Variants in KLHL29 observed in about 807,000 individuals in gnomAD.
KLHL29 encodes the protein kelch-like protein 29.
Under a neutral mutation model 80.4 loss-of-function variants are expected in KLHL29, and 21 were observed. The ratio of observed to expected loss-of-function variants is 0.26; its 90% CI spans 0.19 to 0.38. KLHL29 has a LOEUF of 0.38. Among genes scored for constraint, KLHL29 ranks in the 10% least tolerant of loss-of-function variants. The pLI, the probability that KLHL29 is intolerant of heterozygous loss-of-function variation, is 1.00. For missense variants in KLHL29, 867 were observed against 1,223.9 expected (o/e 0.71, Z 4.35); for synonymous variants, 511 against 526.8 (o/e 0.97, Z 0.41).
At chr2:23,565,111 A>G (rs1373845226) in intron 3 of KLHL29, among the ~76,000 whole-genome samples, 2 of 152,200 alleles carry the variant, frequency 1.3e-5, no homozygotes, top group African/African-American at 2.4e-5. Context: ...AGAACCTGGC[A>G]TGTGGTATTT....
intron 1 of KLHL29, among the ~76,000 whole-genome samples, chr2:23,413,386 A>C (rs1666910968): frequency 6.6e-6 from 1 of 152,194 alleles, no homozygotes; most frequent in Non-Finnish European, 1.5e-5. Flanking sequence ...TGGTCACTGC[A>C]GACCCATGGA....
intron 2 of KLHL29, among the ~76,000 whole-genome samples, chr2:23,552,413 G>A (rs1667153605): frequency 6.6e-6 from 1 of 152,208 alleles, no homozygotes. Flanking sequence ...CAATAAAGCA[G>A]TTAAAGAAAA....
chr2:23,576,580 G>A (rs1667849326), intron 3 of KLHL29, among the ~76,000 whole-genome samples: 1 of 152,150 alleles, frequency 6.6e-6, no homozygotes, highest in South Asian at 2.1e-4. Flanking sequence ...TTGGAATTTG[G>A]GATTATCCAT....
chr2:23,521,011 C>T (rs536494363), intron 2 of KLHL29, among the ~76,000 whole-genome samples: 1 of 152,096 alleles, frequency 6.6e-6, no homozygotes, highest in Admixed American at 6.5e-5. Flanking sequence ...CCCGCTCCCC[C>T]TCAGGGGTGT....
rs1669854528 is a variant in KLHL29 at position 23,644,152 on chromosome 2, T to C, written c.940+1302T>C. On this transcript the variant is annotated intron_variant, in intron 5 of 13. Coordinates refer to ENST00000486442, the MANE Select transcript of KLHL29 (RefSeq NM_052920.2). ...TTTGGAAATCAGCACTAGTTTTAAA[T>C]GACAAAATTGTAGAAAATTACATCT... 2.6e-5 allele frequency: 4 copies of C among 152,360 alleles called. No homozygotes were observed. The South Asian group carries it at 8.3e-4, about 32-fold the overall frequency. The allele number at this position is 152,360 out of a possible 1,614,324, so 9.4% of individuals were successfully genotyped here.
rs150131401 is a variant in KLHL29 at position 23,670,917 on chromosome 2, G to GCGCGCGCACTCTCTCT, written c.941-13481_941-13480insGCGCGCACTCTCTCTC. 1.6e-3 allele frequency among the ~76,000 whole-genome samples: 30 copies of GCGCGCGCACTCTCTCT among 18,568 alleles called. 9 individuals carry two copies. The highest frequency in any genetic ancestry group is 9.4e-3 in the South Asian group (3 of 318). The allele number at this position is 18,568 out of a possible 152,430, so 12.2% of individuals were successfully genotyped here. ...GAGGGGTCTCTACACACATGCACGC[G>GCGCGCGCACTCTCTCT]CTCTCTCTCTCTCTCTCTCTCTCTC... On this transcript the variant is annotated intron_variant, in intron 5 of 13. Coordinates refer to ENST00000486442, the MANE Select transcript of KLHL29 (RefSeq NM_052920.2).
At chr2:23,426,265 A>G (rs533899314) in intron 1 of KLHL29, among the ~76,000 whole-genome samples, 1 of 152,314 alleles carries the variant, frequency 6.6e-6, no homozygotes, top group African/African-American at 2.4e-5. Flanking sequence ...ATTTATTTGT[A>G]TCTGTTCCAG....
chr2:23,616,003 TC>T (rs1249502725), intron 3 of KLHL29, among the ~76,000 whole-genome samples: 1 of 152,114 alleles, frequency 6.6e-6, no homozygotes, highest in African/African-American at 2.4e-5. Flanking sequence ...CCTTGATCCC[TC>T]CTCCTAAGGG....
rs1043451347 is a variant in KLHL29 at position 23,682,645 on chromosome 2, C to T, written c.941-1754C>T. 4.6e-5 allele frequency among the ~76,000 whole-genome samples: 7 copies of T among 152,080 alleles called. No homozygotes were observed. The highest frequency in any genetic ancestry group is 8.8e-5 in the Non-Finnish European group (6 of 68,008). The stretch of plus-strand genomic sequence containing the variant: ...CTGTTGCCCATGGCCCTTTTGTCCA[C>T]CTGCACCTGCCCCCTCGTGCTCCTG... On this transcript the variant is annotated intron_variant, in intron 5 of 13. Transcript: ENST00000486442. This position sits in a 1 kb window ranked among gnomAD's most constrained non-coding sequence, Gnocchi z 4.1.
intron 1 of KLHL29, among the ~76,000 whole-genome samples, chr2:23,466,125 A>G (rs1231473864): frequency 2.0e-5 from 3 of 152,086 alleles, no homozygotes; most frequent in African/African-American, 7.2e-5. Context: ...TCCAAAGACC[A>G]ATGTGAGTGC....
rs142753098 is a variant in KLHL29, at chr2:23,480,213, G to A, written c.-46+4546G>A. Among the ~76,000 whole-genome samples the A allele has an allele frequency of 3.5e-3, 529 of 152,342 alleles. 3 individuals are homozygous for A. Among genetic ancestry groups the A allele is most frequent in the Non-Finnish European group, 6.3e-3 (427 of 68,016 alleles). ...TTTAAGAATTACAGATGGCCCGGCC[G>A]TGGTGGCTCACGCCTGTAATCCCAG... On this transcript the variant is annotated intron_variant, in intron 2 of 13. Coordinates refer to ENST00000486442, the MANE Select transcript of KLHL29 (RefSeq NM_052920.2).
chr2:23,672,635 C>CT (rs1055168384), intron 5 of KLHL29: 1 of 152,668 alleles, frequency 6.6e-6, no homozygotes, highest in African/African-American at 2.4e-5. Context: ...CAGCTCCTCA[C>CT]TGTGGGCACC....
Position 23,681,370 on chromosome 2 carries a change from G to A in KLHL29, c.941-3029G>A, listed in dbSNP as rs979899151. Among the ~76,000 whole-genome samples, 2 of 152,206 alleles carry A rather than the reference G, an allele frequency of 1.3e-5. No homozygotes were observed. Among genetic ancestry groups the A allele is most frequent in the Admixed American group, 6.5e-5 (1 of 15,288 alleles). ...GATGGGGACACCTGAACCTCCAAGC[G>A]CCTTCCAGGTCTAGCTCCAGAATTC... is the stretch of plus-strand genomic sequence containing the variant. On this transcript the variant is annotated intron_variant, in intron 5 of 13. Transcript: ENST00000486442. This position sits in a 1 kb window ranked among gnomAD's most constrained non-coding sequence, Gnocchi z 4.2.
rs1016996866 is a variant in KLHL29 at position 23,700,795 on chromosome 2, C to T, written c.2106-2391C>T. On this transcript the variant is annotated intron_variant, in intron 11 of 13. Coordinates refer to ENST00000486442, the MANE Select transcript of KLHL29 (RefSeq NM_052920.2). The surrounding 1 kb of genome is among the most constrained non-coding windows in gnomAD (Gnocchi z 4.6). ...CCCTTGACTACAGAGCAGTGGCCTGCTGGAGATTCCATCCTCCATCCTTGA... is the reference window on the plus strand; with the variant it reads ...CCCTTGACTACAGAGCAGTGGCCTGTTGGAGATTCCATCCTCCATCCTTGA... Among the ~76,000 whole-genome samples, 45 of 152,306 alleles carry T rather than the reference C, an allele frequency of 3.0e-4. No individual in the cohort carries two copies. The highest frequency in any genetic ancestry group is 5.4e-4 in the Non-Finnish European group (37 of 68,026).
At chr2:23,433,234 CT>C (rs56313665) in intron 1 of KLHL29, among the ~76,000 whole-genome samples, 45,158 of 152,180 alleles carry the variant, frequency 0.3, 6,888 homozygotes, top group South Asian at 0.4. Context: ...AGAGTAAGTT[CT>C]ATGGCAAGAA....
intron 2 of KLHL29, among the ~76,000 whole-genome samples, chr2:23,535,774 G>T (rs72793527): frequency 0.033 from 4,978 of 152,236 alleles, 101 homozygotes; most frequent in Non-Finnish European, 0.047. Flanking sequence ...GGGAGTTATT[G>T]TTTTTAGTGG....
chr2:23,577,472 C>A (rs1029184269), intron 3 of KLHL29, among the ~76,000 whole-genome samples: 1 of 150,172 alleles, frequency 6.7e-6, no homozygotes, highest in Non-Finnish European at 1.5e-5. Context: ...TGGGGCCATG[C>A]GCGGTGGCTC....
intron 3 of KLHL29, among the ~76,000 whole-genome samples, chr2:23,567,398 G>C: frequency 6.6e-6 from 1 of 152,346 alleles, no homozygotes; most frequent in Admixed American, 6.5e-5. Context: ...GGGAAGCAGA[G>C]CGACTTCGCC....
At position 23,478,335 on chromosome 2, in the gene KLHL29, T is replaced by C. The variant is rs933180182; in HGVS notation, c.-46+2668T>C. 5.5e-4 allele frequency among the ~76,000 whole-genome samples: 83 copies of C among 152,002 alleles called. 2 individuals are homozygous for C. On this transcript the variant is annotated intron_variant, in intron 2 of 13. Transcript: ENST00000486442. The stretch of plus-strand genomic sequence containing the variant: ...GGAGTCCCATTGATTTCCAAGATGA[T>C]AGGAAGGTTCCGAGGCCCCTAGATG...
Sources: gnomAD v4.1 joint callset for allele counts (sites outside exome capture counted in the v4.1 genomes callset) on GRCh38, gnomAD v4.1.1 for gene constraint, Gnocchi (gnomAD v3.1) non-coding constraint, MANE v1.5 for transcripts, NCBI Gene and HGNC (gene_info 2026-07-23, HGNC 2026-07-21) for gene names.